Variants in EXOC4 observed in about 807,000 individuals in gnomAD.
EXOC4 encodes SEC8-like 1.
EXOC4 carries 71 observed loss-of-function variants against 107.2 expected under a neutral mutation model. That is an observed-to-expected ratio of 0.66 (90% CI 0.55 to 0.81). The LOEUF is 0.81. Among genes scored for constraint, EXOC4 ranks in the 30% least tolerant of loss-of-function variants. The probability of loss-of-function intolerance (pLI) is 0.00; values close to 1 mark genes in which losing one functional copy is unlikely to be tolerated. For missense variants in EXOC4, 1,108 were observed against 1,189.6 expected (o/e 0.93, Z 1.01); for synonymous variants, 456 against 441.2 (o/e 1.03, Z -0.42).
At chr7:133,580,980 C>A (rs1273073083) in intron 9 of EXOC4, among the ~76,000 whole-genome samples, 1 of 152,178 alleles carries the variant, frequency 6.6e-6, no homozygotes, top group Non-Finnish European at 1.5e-5. Flanking sequence ...CTAACATAGG[C>A]CTCTTTCCTT....
chr7:133,404,382 C>T (rs1448773769), intron 7 of EXOC4, among the ~76,000 whole-genome samples: 3 of 152,122 alleles, frequency 2.0e-5, no homozygotes, highest in South Asian at 4.1e-4. Context: ...GGATTACAGG[C>T]GTGAGCCACC....
intron 10 of EXOC4, among the ~76,000 whole-genome samples, chr7:133,809,879 C>G (rs920826747): frequency 3.3e-5 from 5 of 152,096 alleles, no homozygotes; most frequent in Non-Finnish European, 7.4e-5. Flanking sequence ...GCTCTAAAAC[C>G]AGAATCCTGA....
At chr7:133,475,078 TA>T (rs1192416072) in intron 7 of EXOC4, among the ~76,000 whole-genome samples, 1 of 152,084 alleles carries the variant, frequency 6.6e-6, no homozygotes, top group Non-Finnish European at 1.5e-5. Context: ...AGATACCCAA[TA>T]AAAACGTTCC....
chr7:133,964,805 T>C (rs919529915), intron 14 of EXOC4, among the ~76,000 whole-genome samples: 6 of 152,214 alleles, frequency 3.9e-5, no homozygotes, highest in African/African-American at 1.4e-4. Context: ...TGCATGTATC[T>C]TTATAGTAGA....
rs559455308 is a variant in EXOC4 at position 134,012,092 on chromosome 7, A to T, written c.2687+4257A>T. On this transcript the variant is annotated intron_variant, in intron 17 of 17. Coordinates refer to ENST00000253861, the MANE Select transcript of EXOC4 (RefSeq NM_021807.4). ...AGTAAGAGATGAAGTCTGAGGTTTG[A>T]TCTAAGGAGCTGAGATCTGGAAAGT... 3.3e-5 allele frequency among the ~76,000 whole-genome samples: 5 copies of T among 152,300 alleles called. No individual in the cohort carries two copies. The South Asian group carries it at 1.0e-3, about 32-fold the overall frequency.
intron 5 of EXOC4, among the ~76,000 whole-genome samples, chr7:133,350,700 A>G (rs1795889112): frequency 6.6e-6 from 1 of 152,008 alleles, no homozygotes; most frequent in South Asian, 2.1e-4. Context: ...GAATTTCAGG[A>G]TGGTCTCTCT....
At chr7:133,446,026 A>AAT (rs898762720) in intron 7 of EXOC4, among the ~76,000 whole-genome samples, 23 of 151,218 alleles carry the variant, frequency 1.5e-4, no homozygotes, top group Non-Finnish European at 3.0e-4. Context: ...AAAAAAAAAA[A>AAT]AAAAAGATGA....
At chr7:133,803,865 A>T (rs928453172) in intron 10 of EXOC4, among the ~76,000 whole-genome samples, 8 of 152,206 alleles carry the variant, frequency 5.3e-5, no homozygotes, top group African/African-American at 1.9e-4. Flanking sequence ...TATGAAATTA[A>T]CTATAAAGAA....
chr7:133,382,642 A>G (rs1430252569), intron 7 of EXOC4, among the ~76,000 whole-genome samples: 2 of 152,200 alleles, frequency 1.3e-5, no homozygotes, highest in Non-Finnish European at 2.9e-5. Context: ...ATGAATGAAG[A>G]TGATGGGATA....
intron 7 of EXOC4, among the ~76,000 whole-genome samples, chr7:133,409,921 T>G (rs1397679701): frequency 6.6e-6 from 1 of 152,200 alleles, no homozygotes; most frequent in Non-Finnish European, 1.5e-5. Context: ...TGCATTTTTT[T>G]GTTTTTCAAT....
chr7:133,570,229 G>A (rs1800993724), intron 9 of EXOC4, among the ~76,000 whole-genome samples: 1 of 152,184 alleles, frequency 6.6e-6, no homozygotes, highest in Admixed American at 6.5e-5. Context: ...ATATTGTCAG[G>A]AAGAGGGGCT....
chr7:133,312,328 G>T (rs1344496198), intron 4 of EXOC4, among the ~76,000 whole-genome samples: 2 of 152,124 alleles, frequency 1.3e-5, no homozygotes, highest in Non-Finnish European at 2.9e-5. Context: ...TGAAAGGATA[G>T]AAACTTAAAT....
At chr7:133,900,332 G>T (rs1799423487) in intron 12 of EXOC4, among the ~76,000 whole-genome samples, 1 of 152,208 alleles carries the variant, frequency 6.6e-6, no homozygotes, top group African/African-American at 2.4e-5. Flanking sequence ...GTGGGAGGAA[G>T]AAATTACGAA....
At chr7:133,958,022 G>A (rs1245092149) in intron 14 of EXOC4, among the ~76,000 whole-genome samples, 7 of 152,148 alleles carry the variant, frequency 4.6e-5, no homozygotes, top group African/African-American at 1.7e-4. Flanking sequence ...GCTGCATGGG[G>A]CCTCGTGATA....
intron 6 of EXOC4, among the ~76,000 whole-genome samples, chr7:133,370,145 C>A (rs1372819845): frequency 7.8e-6 from 1 of 128,630 alleles, no homozygotes; most frequent in Non-Finnish European, 1.6e-5. Context: ...GCCCACCCTC[C>A]CCCCCAAAAG....
intron 9 of EXOC4, among the ~76,000 whole-genome samples, chr7:133,623,395 T>C (rs1468087164): frequency 6.6e-6 from 1 of 152,226 alleles, no homozygotes; most frequent in Non-Finnish European, 1.5e-5. Context: ...ACATAATTAC[T>C]ATTTGCTCCT....
intron 11 of EXOC4, among the ~76,000 whole-genome samples, chr7:133,818,540 C>T (rs944336313): frequency 5.9e-5 from 9 of 152,096 alleles, no homozygotes; most frequent in Non-Finnish European, 1.0e-4. Flanking sequence ...TGAGCAAGCT[C>T]TTTTATGATA....
At chr7:133,859,920 T>C (rs1438513966) in intron 11 of EXOC4, among the ~76,000 whole-genome samples, 1 of 152,192 alleles carries the variant, frequency 6.6e-6, no homozygotes. Flanking sequence ...GCAGGAAATT[T>C]CGTTACAAAG....
chr7:133,362,663 A>G (rs1302180297), intron 6 of EXOC4, among the ~76,000 whole-genome samples: 1 of 152,208 alleles, frequency 6.6e-6, no homozygotes, highest in Non-Finnish European at 1.5e-5. Flanking sequence ...AAATGGTTTT[A>G]TCTGTGAGGA....
Sources: gnomAD v4.1 joint callset for allele counts (sites outside exome capture counted in the v4.1 genomes callset) on GRCh38, gnomAD v4.1.1 for gene constraint, MANE v1.5 for transcripts, NCBI Gene and HGNC (gene_info 2026-07-23, HGNC 2026-07-21) for gene names.